The following BNC2 variants were observed in gnomAD, a reference collection of about 807,000 sequenced individuals.
BNC2 encodes basonuclin zinc finger protein 2.
Under a neutral mutation model 76.3 loss-of-function variants are expected in BNC2, and 20 were observed. That is an observed-to-expected ratio of 0.26 (90% CI 0.18 to 0.38). The LOEUF (loss-of-function observed/expected upper bound fraction) is 0.38, where lower values mean the gene tolerates loss of function less well. BNC2 is among the 10% of genes least tolerant of loss of function. The pLI is 1.00. For synonymous variants in BNC2, 582 were observed against 514.8 expected (o/e 1.13, Z -1.77); for missense variants, 1,382 against 1,399.8 (o/e 0.99, Z 0.20).
chr9:16,513,794 GC>G (rs1188847668), intron 5 of BNC2, among the ~76,000 whole-genome samples: 1 of 152,128 alleles, frequency 6.6e-6, no homozygotes, highest in African/African-American at 2.4e-5. Flanking sequence ...GCAGTCATGG[GC>G]CTGGGGATTA....
intron 5 of BNC2, among the ~76,000 whole-genome samples, chr9:16,455,711 G>C (rs1396867654): frequency 6.6e-6 from 1 of 151,498 alleles, no homozygotes; most frequent in Non-Finnish European, 1.5e-5. Flanking sequence ...AGAATCGCTT[G>C]AACCCAGGAG....
At chr9:16,648,555 C>T (rs1231522317) in intron 3 of BNC2, among the ~76,000 whole-genome samples, 2 of 152,208 alleles carry the variant, frequency 1.3e-5, no homozygotes, top group Non-Finnish European at 1.5e-5. Flanking sequence ...AAGACAAACA[C>T]TATTCACTGT....
intron 5 of BNC2, among the ~76,000 whole-genome samples, chr9:16,499,675 G>A (rs769971481): frequency 7.3e-5 from 11 of 151,494 alleles, no homozygotes; most frequent in East Asian, 3.9e-4. Context: ...GACTACAGGC[G>A]CCTGCCACCC....
chr9:16,686,802 G>C (rs1195689905), intron 3 of BNC2, among the ~76,000 whole-genome samples: 1 of 152,096 alleles, frequency 6.6e-6, no homozygotes, highest in East Asian at 1.9e-4. Flanking sequence ...TCACTGGAAA[G>C]AAAAGAAAAA....
chr9:16,549,682 T>C (rs1031720646), intron 5 of BNC2, among the ~76,000 whole-genome samples: 31 of 152,272 alleles, frequency 2.0e-4, no homozygotes, highest in Non-Finnish European at 3.1e-4. Context: ...TTACAGTCTC[T>C]CTCTTTTTTC....
intron 5 of BNC2, among the ~76,000 whole-genome samples, chr9:16,448,620 G>A (rs1821275445): frequency 6.6e-6 from 1 of 152,178 alleles, no homozygotes; most frequent in Admixed American, 6.5e-5. Flanking sequence ...GGAATACTTA[G>A]TAAGCAGTAT....
intron 5 of BNC2, among the ~76,000 whole-genome samples, chr9:16,521,198 T>C (rs1039255130): frequency 6.6e-6 from 1 of 152,126 alleles, no homozygotes; most frequent in African/African-American, 2.4e-5. Context: ...GGCCGACATA[T>C]TTGGAAGAGA....
intron 3 of BNC2, among the ~76,000 whole-genome samples, chr9:16,603,427 T>C (rs1458938908): frequency 6.6e-6 from 1 of 152,218 alleles, no homozygotes; most frequent in African/African-American, 2.4e-5. Flanking sequence ...CCAATGCAAA[T>C]ATTTGTTAAA....
chr9:16,423,956 CCTT>C (rs1369381260), intron 6 of BNC2, among the ~76,000 whole-genome samples: 1 of 152,148 alleles, frequency 6.6e-6, no homozygotes, highest in Non-Finnish European at 1.5e-5. Flanking sequence ...AACCAAACTT[CCTT>C]CTTCTTTGAA....
At chr9:16,620,909 A>G (rs1587243667) in intron 3 of BNC2, among the ~76,000 whole-genome samples, 1 of 152,168 alleles carries the variant, frequency 6.6e-6, no homozygotes, top group African/African-American at 2.4e-5. Flanking sequence ...CACAGAGGTA[A>G]CACCACCTGG....
chr9:16,449,694 T>G (rs1461314326), intron 5 of BNC2, among the ~76,000 whole-genome samples: 2 of 152,214 alleles, frequency 1.3e-5, no homozygotes, highest in African/African-American at 4.8e-5. Flanking sequence ...GCTTAAATTT[T>G]AGCGGATCAC....
chr9:16,719,972 T>C (rs1055742314), intron 3 of BNC2, among the ~76,000 whole-genome samples: 2 of 152,098 alleles, frequency 1.3e-5, no homozygotes, highest in African/African-American at 4.8e-5. Context: ...AAGAATTAGG[T>C]TTTTAAAAGA....
chr9:16,627,337 A>G (rs1409128378), intron 3 of BNC2, among the ~76,000 whole-genome samples: 1 of 152,240 alleles, frequency 6.6e-6, no homozygotes, highest in Non-Finnish European at 1.5e-5. Context: ...AATGAAGCAG[A>G]AGCAAGCAAA....
At chr9:16,609,305 A>C (rs1820473278) in intron 3 of BNC2, among the ~76,000 whole-genome samples, 1 of 152,168 alleles carries the variant, frequency 6.6e-6, no homozygotes. Context: ...CTTGAGCTGC[A>C]AGGAAAGTAA....
At position 16,582,988 on chromosome 9, in the gene BNC2, G is replaced by T. The variant is rs2133056440; in HGVS notation, c.428C>A (p.Ala143Glu). Residue 143 changes from alanine (A) to glutamate (E), a missense_variant, in exon 4 of 7, where the codon GCA becomes GAA. This residue lies in a region of BNC2 where 557 missense variants were observed against 540.9 expected (regional missense o/e 1.03). Transcript: ENST00000380672. ...TCDQCKHGWV[A>E]HALDKLSTQH... ...AAAGCCCAGATTTTCCTCACCATGTGCCACCCAGCCATGTTTACACTGATC... is the reference window on the plus strand; with the variant it reads ...AAAGCCCAGATTTTCCTCACCATGTTCCACCCAGCCATGTTTACACTGATC... The T allele has an allele frequency of 6.2e-7, 1 of 1,612,596 alleles. No homozygotes were observed. Among genetic ancestry groups the T allele is most frequent in the African/African-American group, 1.3e-5 (1 of 74,776 alleles).
chr9:16,856,273 T>C (rs1563973324), intron 1 of BNC2, among the ~76,000 whole-genome samples: 1 of 91,800 alleles, frequency 1.1e-5, no homozygotes, highest in Non-Finnish European at 2.5e-5. Context: ...ACTCTCTCTC[T>C]CTCTCACACA....
At chr9:16,751,642 G>GTGTGTGTATATA (rs1563926912) in intron 1 of BNC2, among the ~76,000 whole-genome samples, 2 of 4,322 alleles carry the variant, frequency 4.6e-4, no homozygotes, top group Non-Finnish European at 3.3e-3. Flanking sequence ...ATGTATATAT[G>GTGTGTGTATATA]TATGTGTGTA....
intron 5 of BNC2, among the ~76,000 whole-genome samples, chr9:16,465,840 C>T (rs1018294169): frequency 1.3e-5 from 2 of 151,776 alleles, no homozygotes; most frequent in African/African-American, 4.9e-5. Context: ...GGCATTCAGG[C>T]AGGAGAAGGA....
chr9:16,793,860 G>GTTTTTTTTTTTTTTTTTTTTTTTTTTT lies in BNC2; in HGVS notation c.4-55376_4-55375insAAAAAAAAAAAAAAAAAAAAAAAAAAA, dbSNP rs377349585. 2.1e-5 allele frequency among the ~76,000 whole-genome samples: 2 copies of GTTTTTTTTTTTTTTTTTTTTTTTTTTT among 97,352 alleles called. 1 individual carries two copies. The highest frequency in any genetic ancestry group is 3.9e-5 in the Non-Finnish European group (2 of 51,754). 63.9% of individuals were successfully genotyped at this position (97,352 alleles called of 152,430 possible). A position where few individuals can be genotyped will look rare whatever the true frequency, so the allele number is the denominator to read the frequency against. On this transcript the variant is annotated intron_variant, in intron 1 of 6. Transcript: ENST00000380672. ...CTAGTTTTTGTTTTTTGTGGTTTTT[G>GTTTTTTTTTTTTTTTTTTTTTTTTTTT]TTTTTTTGTTTTTTTTTTTTTTTAG... is the stretch of plus-strand genomic sequence containing the variant.
Sources: gnomAD v4.1 joint callset for allele counts (sites outside exome capture counted in the v4.1 genomes callset) on GRCh38, gnomAD v4.1.1 for gene constraint, gnomAD v4.1.1 regional missense constraint, MANE v1.5 for transcripts, NCBI Gene and HGNC (gene_info 2026-07-23, HGNC 2026-07-21) for gene names.